Variants in KCNJ6 observed in about 807,000 individuals in gnomAD.
KCNJ6 encodes the protein G protein-activated inward rectifier potassium channel 2.
A neutral mutation model predicts 34.2 loss-of-function variants in KCNJ6; 9 were observed. The ratio of observed to expected loss-of-function variants is 0.26; its 90% CI spans 0.16 to 0.46. The LOEUF (loss-of-function observed/expected upper bound fraction) is 0.46. Among genes scored for constraint, KCNJ6 ranks in the 20% least tolerant of loss-of-function variants. The pLI is 1.00. For synonymous variants in KCNJ6, 196 were observed against 207.1 expected (o/e 0.95, Z 0.46); for missense variants, 236 against 531.3 (o/e 0.44, Z 5.46).
intron 2 of KCNJ6, among the ~76,000 whole-genome samples, chr21:37,735,516 C>G (rs187344482): frequency 6.6e-6 from 1 of 152,338 alleles, no homozygotes; most frequent in African/African-American, 2.4e-5. Flanking sequence ...CTCACTGAAG[C>G]TCTCAGCTTG....
intron 1 of KCNJ6, among the ~76,000 whole-genome samples, chr21:37,902,321 G>T (rs949913035): frequency 6.6e-6 from 1 of 152,116 alleles, no homozygotes; most frequent in African/African-American, 2.4e-5. Context: ...CATCTAGAAT[G>T]GATGTTTTTG....
intron 1 of KCNJ6, among the ~76,000 whole-genome samples, chr21:37,878,035 G>A (rs1294493605): frequency 6.6e-6 from 1 of 152,218 alleles, no homozygotes; most frequent in Non-Finnish European, 1.5e-5. Flanking sequence ...CCATAGGAAT[G>A]GATGACTAAA....
intron 3 of KCNJ6, among the ~76,000 whole-genome samples, chr21:37,692,310 A>G (rs2054643651): frequency 6.6e-6 from 1 of 152,148 alleles, no homozygotes; most frequent in Non-Finnish European, 1.5e-5. Flanking sequence ...TACCCTTGAG[A>G]AAAAAAGGCA....
At chr21:37,789,954 C>A (rs767790275) in intron 2 of KCNJ6, among the ~76,000 whole-genome samples, 1 of 152,088 alleles carries the variant, frequency 6.6e-6, no homozygotes, top group Non-Finnish European at 1.5e-5. Flanking sequence ...CGCTACATAC[C>A]CAGGTGTGTG....
intron 3 of KCNJ6, among the ~76,000 whole-genome samples, chr21:37,668,494 A>G (rs8128422): frequency 0.077 from 11,664 of 152,104 alleles, 1,088 homozygotes; most frequent in African/African-American, 0.22. Context: ...ATGAGGGCCC[A>G]CCCTAATGGC....
chr21:37,788,721 C>A (rs1398448519), intron 2 of KCNJ6, among the ~76,000 whole-genome samples: 1 of 152,152 alleles, frequency 6.6e-6, no homozygotes, highest in Non-Finnish European at 1.5e-5. Flanking sequence ...GGATGAGAGA[C>A]CACGTGGAGC....
chr21:37,728,792 T>G (rs1601441501), intron 2 of KCNJ6, among the ~76,000 whole-genome samples: 1 of 152,128 alleles, frequency 6.6e-6, no homozygotes, highest in African/African-American at 2.4e-5. Flanking sequence ...ATGTGAGAGA[T>G]AATTCAGAGC....
chr21:37,741,570 C>T (rs1213963603), intron 2 of KCNJ6, among the ~76,000 whole-genome samples: 1 of 152,194 alleles, frequency 6.6e-6, no homozygotes, highest in Non-Finnish European at 1.5e-5. Context: ...CTGGGTTCCT[C>T]TCCTTTCCTT....
At chr21:37,833,177 G>A (rs998430288) in intron 2 of KCNJ6, among the ~76,000 whole-genome samples, 6 of 152,242 alleles carry the variant, frequency 3.9e-5, no homozygotes, top group African/African-American at 1.4e-4. Flanking sequence ...AACATGCCCA[G>A]CTAATTTTTG....
Position 37,621,715 on chromosome 21 carries a change from G to T in KCNJ6, c.*3444C>A, listed in dbSNP as rs2054290365. On this transcript the variant is annotated 3_prime_UTR_variant, in exon 4 of 4. Transcript: ENST00000609713. ...CTAAAACAATAGAATTGGAACTGGAGAACCAGGGAAACAGCAAAGGATGGG... is the reference window on the plus strand; with the variant it reads ...CTAAAACAATAGAATTGGAACTGGATAACCAGGGAAACAGCAAAGGATGGG... 6.6e-6 allele frequency: 1 copy of T among 152,232 alleles called. No individual in the cohort carries two copies. The highest frequency in any genetic ancestry group is 2.1e-4 in the South Asian group (1 of 4,834). The allele number at this position is 152,232 out of a possible 1,614,324, so 9.4% of individuals were successfully genotyped here.
At chr21:37,721,071 TACACC>T (rs2123458640) in intron 2 of KCNJ6, among the ~76,000 whole-genome samples, 1 of 152,256 alleles carries the variant, frequency 6.6e-6, no homozygotes, top group East Asian at 1.9e-4. Context: ...AAAGAACTCT[TACACC>T]TTAACAAAAA....
chr21:37,732,555 G>T (rs1406741395), intron 2 of KCNJ6, among the ~76,000 whole-genome samples: 1 of 152,232 alleles, frequency 6.6e-6, no homozygotes, highest in African/African-American at 2.4e-5. Flanking sequence ...GTCTCTGCAT[G>T]ACTGATGGGC....
intron 2 of KCNJ6, among the ~76,000 whole-genome samples, chr21:37,764,944 CAG>C (rs2055083827): frequency 1.3e-5 from 2 of 152,200 alleles, no homozygotes; most frequent in South Asian, 2.1e-4. Flanking sequence ...CCTTCCTTCT[CAG>C]GGGGTGAAGC....
At chr21:37,647,581 A>G (rs1239893057) in intron 3 of KCNJ6, among the ~76,000 whole-genome samples, 2 of 152,114 alleles carry the variant, frequency 1.3e-5, no homozygotes, top group Non-Finnish European at 2.9e-5. Context: ...ACTCCAGGCC[A>G]TGATCCACTC....
At chr21:37,776,945 C>G (rs1301787319) in intron 2 of KCNJ6, among the ~76,000 whole-genome samples, 3 of 152,162 alleles carry the variant, frequency 2.0e-5, no homozygotes, top group African/African-American at 2.4e-5. Flanking sequence ...CCTCGTACCT[C>G]TGGTAGAATT....
chr21:37,716,998 C>G (rs1404232169), intron 2 of KCNJ6: 2 of 154,340 alleles, frequency 1.3e-5, no homozygotes, highest in Admixed American at 1.3e-4. Flanking sequence ...CATCATTTAT[C>G]TGAATAAGAA....
intron 2 of KCNJ6, among the ~76,000 whole-genome samples, chr21:37,718,529 A>G (rs569148214): frequency 2.0e-5 from 3 of 152,258 alleles, no homozygotes; most frequent in Non-Finnish European, 2.9e-5. Context: ...TTATTAGGGG[A>G]AGAAATGTAA....
intron 2 of KCNJ6, among the ~76,000 whole-genome samples, chr21:37,739,032 C>T (rs1299468030): frequency 2.0e-5 from 3 of 152,098 alleles, no homozygotes; most frequent in Non-Finnish European, 4.4e-5. Flanking sequence ...CCTGTGCTGG[C>T]CAATACAGCA....
chr21:37,732,778 C>G (rs909718251), intron 2 of KCNJ6, among the ~76,000 whole-genome samples: 1 of 152,190 alleles, frequency 6.6e-6, no homozygotes, highest in African/African-American at 2.4e-5. Context: ...TTCATTTTCT[C>G]TGCTGTCCCT....
Sources: allele counts gnomAD v4.1 joint callset (sites outside exome capture counted in the v4.1 genomes callset), GRCh38; gene constraint gnomAD v4.1.1; transcripts MANE v1.5; gene names NCBI Gene and HGNC (gene_info 2026-07-23, HGNC 2026-07-21).